Variants in AVIL observed in about 807,000 individuals in gnomAD.
AVIL encodes the protein advillin.
Under a neutral mutation model 109.9 loss-of-function variants are expected in AVIL, and 78 were observed. The observed-to-expected ratio is 0.71, with a 90% CI of 0.59 to 0.86. The LOEUF is 0.86. Among genes scored for constraint, AVIL ranks in the 40% least tolerant of loss-of-function variants. AVIL has a pLI of 0.00. For missense variants in AVIL, 892 were observed against 1,016.5 expected, an observed-to-expected ratio of 0.88 and a Z score of 1.67; for synonymous variants, 367 against 379.1, an observed-to-expected ratio of 0.97 and a Z score of 0.37.
intron 3 of AVIL, among the ~76,000 whole-genome samples, 182 bp downstream of exon 3, chr12:57,813,970 A>C (rs1330220884): frequency 2.0e-5 from 3 of 152,160 alleles, no homozygotes; most frequent in Non-Finnish European, 4.4e-5. Flanking sequence ...TGCAGCATTA[A>C]AAACCCAGGC....
Position 57,803,868 on chromosome 12 carries a change from G to A in AVIL, c.1672-199C>T, listed in dbSNP as rs982421723. 4.6e-5 allele frequency: 29 copies of A among 633,738 alleles called. No homozygotes were observed. In the African/African-American group the frequency reaches 5.2e-4, roughly 11 times the overall value. 39.3% of individuals were successfully genotyped at this position (633,738 alleles called of 1,614,324 possible). A position where few individuals can be genotyped will look rare whatever the true frequency, so the allele number is the denominator to read the frequency against. Reference sequence around the variant, plus strand: ...CAGTGTGGGGCAAAGAACAGGACTAGGCTTTGAAACCCACAGTGGGTGTTG... The same window carrying A: ...CAGTGTGGGGCAAAGAACAGGACTAAGCTTTGAAACCCACAGTGGGTGTTG... On this transcript the variant is annotated intron_variant, in intron 14 of 19. Transcript: ENST00000549994.
intron 3 of AVIL, 35 bp from the exon 4 acceptor site, chr12:57,813,458 A>C: frequency 6.3e-7 from 1 of 1,591,408 alleles, no homozygotes; most frequent in Non-Finnish European, 8.6e-7. Flanking sequence ...GTCAGAGGCC[A>C]GCTCACCTCC....
chr12:57,807,797 A>C, intron 11 of AVIL, 70 bp from the exon 12 acceptor site: 1 of 1,599,176 alleles, frequency 6.3e-7, no homozygotes, highest in Non-Finnish European at 8.6e-7. Flanking sequence ...CACTAAAGAG[A>C]GAATCCAGGT....
chr12:57,806,632 T>C, intron 13 of AVIL, 93 bp from the exon 14 acceptor site: 1 of 1,437,490 alleles, frequency 7.0e-7, no homozygotes, highest in South Asian at 1.3e-5. Context: ...TGTTATAGTA[T>C]TATGTTTGCC....
chr12:57,802,636 T>C, intron 16 of AVIL: 1 of 675,542 alleles, frequency 1.5e-6, no homozygotes, highest in Non-Finnish European at 2.7e-6. Flanking sequence ...TCTTGACTGC[T>C]CTAAGCACCT....
Position 57,807,699 on chromosome 12 carries a change from A to G in AVIL, c.1223T>C (p.Val408Ala). The change falls in exon 12 of 20, where the codon GTC becomes GCC. Residue 408 changes from valine to alanine, a missense_variant. Val to Ala is a moderately conservative substitution (Grantham distance 64, BLOSUM62 0). Coordinates refer to ENST00000549994, the MANE Select transcript of AVIL (RefSeq NM_006576.4). Reference protein sequence around the residue: ...EVWRIENLELVPVEYQWYGFF... With the variant: ...EVWRIENLELAPVEYQWYGFF... ...GCCATACCATTGATACTCCACAGGG[A>G]CCAGCTCCAGGTTCTCAATTCTCCA... 1 of 1,614,028 alleles carries G rather than the reference A, an allele frequency of 6.2e-7. No homozygotes were observed. Among genetic ancestry groups the G allele is most frequent in the Non-Finnish European group, 8.5e-7 (1 of 1,180,044 alleles).
At position 57,807,466 on chromosome 12, in the gene AVIL, C is replaced by T. The variant is rs777565375; in HGVS notation, c.1356G>A (p.Glu452=). ...IWQGRHASQD[E]LAASAYQAVE... is the part of the protein sequence containing the mutation. ...CTGCCTGGTATGCTGAGGCTGCCAG[C>T]TCATCCTGTGAGGCGTGGCGGCCCT... is the stretch of plus-strand genomic sequence containing the variant. Residue 452 remains glutamate, a synonymous_variant, in exon 13 of 20, where the codon GAG becomes GAA. Transcript: ENST00000549994. 5.6e-6 allele frequency: 9 copies of T among 1,614,270 alleles called. No individual in the cohort carries two copies. In the East Asian group the frequency reaches 1.3e-4, roughly 24 times the overall value.
intron 1 of AVIL, among the ~76,000 whole-genome samples, chr12:57,817,929 GCA>G (rs1369960022): frequency 2.6e-5 from 4 of 152,148 alleles, no homozygotes; most frequent in Admixed American, 1.3e-4. Context: ...TGGGTGTGGG[GCA>G]CAGTTTTGAA....
Position 57,808,567 on chromosome 12 carries a change from C to T in AVIL, c.940-19G>A, listed in dbSNP as rs1955989922. On this transcript the variant is annotated intron_variant, in intron 9 of 19. Transcript: ENST00000549994. The stretch of plus-strand genomic sequence containing the variant: ...TGAAGCCCTGCAGAGCCACCCATTC[C>T]CAAAGGCAGGTCAGTGGTGGAATAC... 1 of 1,612,768 alleles carries T rather than the reference C, an allele frequency of 6.2e-7. No homozygotes were observed. The highest frequency in any genetic ancestry group is 1.3e-5 in the African/African-American group (1 of 74,856).
intron 2 of AVIL, 178 bp from the exon 3 acceptor site, chr12:57,814,404 TTC>T (rs1282473500): frequency 1.5e-5 from 9 of 611,646 alleles, no homozygotes; most frequent in Non-Finnish European, 2.3e-5. Flanking sequence ...TCCCTCTGGC[TTC>T]TGTGAGCTCT....
intron 5 of AVIL, 26 bp from the exon 6 acceptor site, chr12:57,810,952 C>T (rs1956029548): frequency 6.2e-7 from 1 of 1,614,004 alleles, no homozygotes; most frequent in Non-Finnish European, 8.5e-7. Context: ...AAACATTGTT[C>T]AGGAGGAATT....
intron 11 of AVIL, 103 bp downstream of exon 11, chr12:57,808,091 A>G: frequency 2.2e-6 from 3 of 1,350,332 alleles, no homozygotes; most frequent in South Asian, 1.2e-5. Context: ...CGGAGGGGAA[A>G]GGGAAAGCAA....
At position 57,807,461 on chromosome 12, in the gene AVIL, G is replaced by A. The variant is rs1955965963; in HGVS notation, c.1361C>T (p.Ala454Val). The A allele has an allele frequency of 3.1e-6, 5 of 1,614,106 alleles. No individual in the cohort carries two copies. Among genetic ancestry groups the A allele is most frequent in the Admixed American group, 3.3e-5 (2 of 60,008 alleles). The stretch of plus-strand genomic sequence containing the variant: ...CTCCACTGCCTGGTATGCTGAGGCT[G>A]CCAGCTCATCCTGTGAGGCGTGGCG... ...QGRHASQDELAASAYQAVEVD... is the reference protein window; with the variant it reads ...QGRHASQDELVASAYQAVEVD... Residue 454 changes from alanine to valine, a missense_variant, in exon 13 of 20, where the codon GCA (alanine) becomes GTA (valine). Physicochemically the swap from Ala to Val is moderately conservative, Grantham distance 64 (BLOSUM62 0). Transcript: ENST00000549994.
chr12:57,808,511 T>A lies in AVIL; in HGVS notation c.977A>T (p.Asn326Ile). ...IKMKSYPSST[N>I]VETVNDGAES... ...AGCACCATCGTTGACGGTCTCCACA[T>A]TGGTGCTGCTGGGGTAGCTCTTCAT... is the stretch of plus-strand genomic sequence containing the variant. The change falls in exon 10 of 20, where the codon AAT (asparagine) becomes ATT (isoleucine). Residue 326 changes from asparagine to isoleucine, a missense_variant. By Grantham distance (149) the Asn-to-Ile change is moderately radical (BLOSUM62 -3). Coordinates refer to ENST00000549994, the MANE Select transcript of AVIL (RefSeq NM_006576.4). 6.2e-7 allele frequency: 1 copy of A among 1,614,116 alleles called. No homozygotes were observed. The highest frequency in any genetic ancestry group is 8.5e-7 in the Non-Finnish European group (1 of 1,180,010).
intron 18 of AVIL, 148 bp downstream of exon 18, chr12:57,800,996 T>C: frequency 1.7e-6 from 1 of 575,752 alleles, no homozygotes; most frequent in South Asian, 2.5e-5. Context: ...TGCTTTTCTA[T>C]TGATTACAAA....
intron 1 of AVIL, among the ~76,000 whole-genome samples, chr12:57,816,964 T>A (rs1935708784): frequency 6.6e-6 from 1 of 151,950 alleles, no homozygotes; most frequent in Non-Finnish European, 1.5e-5. Context: ...CGTCTCCAGT[T>A]CCTTCAGGAT....
At chr12:57,816,251 G>T in intron 1 of AVIL, 192 bp from the exon 2 acceptor site, 1 of 535,170 alleles carries the variant, frequency 1.9e-6, no homozygotes, top group Non-Finnish European at 3.3e-6. Flanking sequence ...TGGCTGGCCT[G>T]GGGATTACCA....
In AVIL at chr12:57,797,707, C is replaced by T; in HGVS notation, c.*175G>A. 1.4e-6 allele frequency: 1 copy of T among 728,834 alleles called. No homozygotes were observed. The highest frequency in any genetic ancestry group is 1.9e-6 in the Non-Finnish European group (1 of 534,098). The allele number at this position is 728,834 out of a possible 1,614,324, so 45.1% of individuals were successfully genotyped here. A position where few individuals can be genotyped will look rare whatever the true frequency, so the allele number is the denominator to read the frequency against. On this transcript the variant is annotated 3_prime_UTR_variant, in exon 20 of 20. Transcript: ENST00000549994. ...TATGGTTAACATTTTAGGTATATAA[C>T]AAGCAAGGAATGCAAGGATGAGAAA...
rs141365699 is a variant in AVIL at position 57,814,164 on chromosome 12, G to A, written c.129C>T (p.Tyr43=). The change falls in exon 3 of 20, where the codon TAC becomes TAT. Residue 43 remains tyrosine, a synonymous_variant. Coordinates refer to ENST00000549994, the MANE Select transcript of AVIL (RefSeq NM_006576.4). ...GGAGGGTGCTCACCGAGAGGATGAC[G>A]TAGCAGTCCCCCTCATAGAAGTTGC... ...AHGNFYEGDC[Y]VILSTRRVAS... 9.5e-5 allele frequency: 154 copies of A among 1,613,058 alleles called. No individual in the cohort carries two copies. Among genetic ancestry groups the A allele is most frequent in the Non-Finnish European group, 1.2e-4 (141 of 1,179,760 alleles).
Sources: allele counts gnomAD v4.1 joint callset (sites outside exome capture counted in the v4.1 genomes callset), GRCh38; gene constraint gnomAD v4.1.1; transcripts MANE v1.5; gene names NCBI Gene and HGNC (gene_info 2026-07-23, HGNC 2026-07-21).